The following TICRR variants were observed in gnomAD, a reference collection of about 807,000 sequenced individuals.
TICRR encodes TOPBP1 interacting checkpoint and replication regulator.
In TICRR, 132 loss-of-function variants were observed where a neutral mutation model predicts 178.1. That is an observed-to-expected ratio of 0.74 (90% CI 0.64 to 0.86). The LOEUF is 0.86. TICRR is among the 40% of genes least tolerant of loss of function. The pLI, the probability that TICRR is intolerant of heterozygous loss-of-function variation, is 0.00. For missense variants in TICRR, 2,587 were observed against 2,334.3 expected, an observed-to-expected ratio of 1.11 and a Z score of -2.23; for synonymous variants, 991 against 900.7, an observed-to-expected ratio of 1.10 and a Z score of -1.79.
At chr15:89,623,572 A>C in intron 19 of TICRR, 51 bp from the exon 20 acceptor site, 1 of 1,527,948 alleles carries the variant, frequency 6.5e-7, no homozygotes, top group South Asian at 1.3e-5. Context: ...AACACTTCAG[A>C]GATCATGAGT....
At chr15:89,616,948 C>G (rs893666014) in intron 16 of TICRR, among the ~76,000 whole-genome samples, 1 of 152,104 alleles carries the variant, frequency 6.6e-6, no homozygotes, top group Non-Finnish European at 1.5e-5. Flanking sequence ...TTTCCTAGTT[C>G]TTTGGCTTGA....
intron 9 of TICRR, 84 bp from the exon 10 acceptor site, chr15:89,601,214 T>C (rs1389332714): frequency 5.8e-6 from 7 of 1,210,798 alleles, no homozygotes; most frequent in Non-Finnish European, 7.1e-6. Flanking sequence ...TTGTGTCTTA[T>C]ATAAATAGAT....
In TICRR at chr15:89,585,743, C is replaced by T; in HGVS notation, c.1212C>T (p.Pro404=). 1.9e-6 allele frequency: 3 copies of T among 1,614,136 alleles called. No individual in the cohort carries two copies. The highest frequency in any genetic ancestry group is 4.5e-5 in the East Asian group (2 of 44,884). The change falls in exon 4 of 22, where the codon CCC becomes CCT. Residue 404 remains proline (P), a synonymous_variant. Transcript: ENST00000268138. ...TGGACCCTGGTGAAGGCCGGCCCCCCATCACTGGAGTTATTTCCCCACTCT... is the reference window on the plus strand; with the variant it reads ...TGGACCCTGGTGAAGGCCGGCCCCCTATCACTGGAGTTATTTCCCCACTCT... ...ADVDPGEGRP[P]ITGVISPLSA...
chr15:89,616,414 A>T lies in TICRR; in HGVS notation c.2879A>T (p.Lys960Ile). 6.2e-7 allele frequency: 1 copy of T among 1,613,976 alleles called. No homozygotes were observed. The highest frequency in any genetic ancestry group is 8.5e-7 in the Non-Finnish European group (1 of 1,179,848). The change falls in exon 16 of 22, where the codon AAA (lysine) becomes ATA (isoleucine). Residue 960 changes from lysine to isoleucine, a missense_variant. By Grantham distance (102) the Lys-to-Ile change is moderately radical. Transcript: ENST00000268138. ...TGTGTTTACATTTTAGGTTATCACA[A>T]ACTGCTGACTAAGAGTGTGGCCGAG... The part of the protein sequence containing the change: ...DNFKKNKGYH[K>I]LLTKSVAETP...
rs1963464362 is a variant in TICRR at position 89,623,833 on chromosome 15, C to T, written c.3523C>T (p.Pro1175Ser). 1.2e-6 allele frequency: 2 copies of T among 1,613,826 alleles called. No individual in the cohort carries two copies. Among genetic ancestry groups the T allele is most frequent in the Admixed American group, 3.3e-5 (2 of 59,990 alleles). ...HDSPLDSKIT[P>S]QKRHTQAGEG... The stretch of plus-strand genomic sequence containing the variant: ...CTCACCATTGGATTCAAAAATCACT[C>T]CTCAAAAACGACATACCCAGGCAGG... Residue 1175 changes from proline (P) to serine (S), a missense_variant, in exon 20 of 22, where the codon CCT becomes TCT. Coordinates refer to ENST00000268138, the MANE Select transcript of TICRR (RefSeq NM_152259.4).
rs1410804226 is a variant in TICRR, at chr15:89,627,068, C to T, written c.5715C>T (p.Thr1905=). The change falls in exon 22 of 22, where the codon ACC becomes ACT. Residue 1905 remains threonine (T), a synonymous_variant. Transcript: ENST00000268138. The part of the protein sequence containing the change: ...RTYTRKKLMG[T]WLEDL ...ATACACGGAAGAAGCTCATGGGAACCTGGCTGGAGGACTTATAGCCACAAA... is the reference window on the plus strand; with the variant it reads ...ATACACGGAAGAAGCTCATGGGAACTTGGCTGGAGGACTTATAGCCACAAA... The T allele has an allele frequency of 1.2e-6, 2 of 1,614,108 alleles. No individual in the cohort carries two copies. Among genetic ancestry groups the T allele is most frequent in the Non-Finnish European group, 1.7e-6 (2 of 1,180,052 alleles).
intron 4 of TICRR, 147 bp downstream of exon 4, chr15:89,586,089 CATT>C: frequency 1.7e-6 from 1 of 604,830 alleles, no homozygotes. Context: ...CAGTTTAAAT[CATT>C]ATTATTTATA....
rs1267691849 is a variant in TICRR at position 89,624,866 on chromosome 15, T to C, written c.4556T>C (p.Leu1519Pro). The C allele has an allele frequency of 1.2e-6, 2 of 1,614,016 alleles. No individual in the cohort carries two copies. Among genetic ancestry groups the C allele is most frequent in the East Asian group, 4.5e-5 (2 of 44,876 alleles). Residue 1519 changes from leucine to proline, a missense_variant, in exon 20 of 22, where the codon CTG becomes CCG. Transcript: ENST00000268138. ...CCTTCCTGTGGGCCTGGCTCTCCTC[T>C]GATGCCTTCCCGTGACGTGCACTGT... The part of the protein sequence containing the change: ...SPPSCGPGSP[L>P]MPSRDVHCTT...
intron 15 of TICRR, among the ~76,000 whole-genome samples, chr15:89,612,119 C>T (rs1489403111): frequency 6.6e-6 from 1 of 152,132 alleles, no homozygotes; most frequent in African/African-American, 2.4e-5. Context: ...TCCTGTCACC[C>T]CTCAGGGATT....
intron 18 of TICRR, among the ~76,000 whole-genome samples, chr15:89,621,111 C>G (rs1963417931): frequency 6.6e-6 from 1 of 151,944 alleles, no homozygotes; most frequent in East Asian, 1.9e-4. Context: ...CCTCCACCTC[C>G]TGGGTTCAAG....
chr15:89,600,453 G>T (rs980761893), intron 8 of TICRR, 132 bp from the exon 9 acceptor site: 2 of 457,064 alleles, frequency 4.4e-6, no homozygotes, highest in Non-Finnish European at 7.8e-6. Context: ...GAATATTCAC[G>T]TCACTTTTTC....
At chr15:89,591,978 G>C in intron 4 of TICRR, 69 bp from the exon 5 acceptor site, 1 of 1,480,648 alleles carries the variant, frequency 6.8e-7, no homozygotes, top group Non-Finnish European at 9.2e-7. Context: ...GGAGGAGCAA[G>C]TGCTTAGAAT....
rs1963496555 is a variant in TICRR at position 89,625,166 on chromosome 15, C to T, written c.4856C>T (p.Pro1619Leu). The T allele has an allele frequency of 1.9e-6, 3 of 1,613,686 alleles. No homozygotes were observed. The highest frequency in any genetic ancestry group is 2.5e-6 in the Non-Finnish European group (3 of 1,179,912). ...RASRSLSKPE[P>L]TYVSPPCPRL... ...AGCAGGTCCTTAAGCAAACCTGAAC[C>T]CACCTATGTGTCACCCCCCTGCCCC... The change falls in exon 20 of 22, where the codon CCC becomes CTC. Residue 1619 changes from proline (P) to leucine (L), a missense_variant. Pro to Leu is a moderately conservative substitution (Grantham distance 98). Transcript: ENST00000268138.
chr15:89,614,173 A>AATAT (rs1169326360), intron 15 of TICRR, among the ~76,000 whole-genome samples: 1 of 151,968 alleles, frequency 6.6e-6, no homozygotes, highest in South Asian at 2.1e-4. Flanking sequence ...TAAATAAATA[A>AATAT]ATAAATAAAG....
rs752287437 is a variant in TICRR at position 89,601,366 on chromosome 15, A to T, written c.2222A>T (p.Asp741Val). ...TGCCCTTCAATAAATGAAAGTACAG[A>T]TGATATGGAACAAGTAGTGGAGGAG... The part of the protein sequence containing the change: ...LQCPSINEST[D>V]DMEQVVEEVT... The change falls in exon 10 of 22, where the codon GAT (aspartate) becomes GTT (valine). Residue 741 changes from aspartate to valine, a missense_variant. Coordinates refer to ENST00000268138, the MANE Select transcript of TICRR (RefSeq NM_152259.4). 5 of 1,614,072 alleles carry T rather than the reference A, an allele frequency of 3.1e-6. No individual in the cohort carries two copies. The South Asian group carries it at 5.5e-5, about 18-fold the overall frequency.
At chr15:89,614,747 T>C (rs1290493229) in intron 15 of TICRR, among the ~76,000 whole-genome samples, 1 of 152,234 alleles carries the variant, frequency 6.6e-6, no homozygotes, top group Non-Finnish European at 1.5e-5. Context: ...TTAAATTTTG[T>C]ATTCTTTATC....
At chr15:89,613,586 G>C (rs1038702717) in intron 15 of TICRR, among the ~76,000 whole-genome samples, 1 of 152,072 alleles carries the variant, frequency 6.6e-6, no homozygotes, top group Admixed American at 6.6e-5. Flanking sequence ...CTGAAGCTCT[G>C]TTCATTTTTC....
At chr15:89,581,226 A>AT (rs11415748) in intron 1 of TICRR, among the ~76,000 whole-genome samples, 51,449 of 151,938 alleles carry the variant, frequency 0.34, 8,761 homozygotes, top group South Asian at 0.38. Flanking sequence ...TCACATAGCA[A>AT]TTATAATTTA....
intron 13 of TICRR, among the ~76,000 whole-genome samples, chr15:89,604,799 G>A (rs907475225): frequency 2.0e-5 from 3 of 150,096 alleles, no homozygotes; most frequent in African/African-American, 7.3e-5. Context: ...ATTGAGGTCA[G>A]GATTTGATTG....
Sources: gnomAD v4.1 joint callset for allele counts (sites outside exome capture counted in the v4.1 genomes callset) on GRCh38, gnomAD v4.1.1 for gene constraint, MANE v1.5 for transcripts, NCBI Gene and HGNC (gene_info 2026-07-23, HGNC 2026-07-21) for gene names.